TNN: variants seen among roughly 807,000 people sequenced by gnomAD.
The protein encoded by TNN is tenascin-N.
A neutral mutation model predicts 134.4 loss-of-function variants in TNN; 122 were observed. That is an observed-to-expected ratio of 0.91 (90% CI 0.78 to 1.06). The LOEUF is 1.06. TNN is among the 50% of genes least tolerant of loss of function. The pLI, the probability that TNN is intolerant of heterozygous loss-of-function variation, is 0.00. For missense variants in TNN, 1,739 were observed against 1,699.4 expected (o/e 1.02, Z -0.41); for synonymous variants, 710 against 670.3 (o/e 1.06, Z -0.91).
chr1:175,080,136 T>A (rs1380152628), intron 3 of TNN, 27 bp from the exon 4 acceptor site: 1 of 1,611,336 alleles, frequency 6.2e-7, no homozygotes, highest in Admixed American at 1.7e-5. Flanking sequence ...GCTCACCCTC[T>A]CTGCCCTGTT....
At chr1:175,123,135 A>G (rs559144393) in intron 11 of TNN, among the ~76,000 whole-genome samples, 1 of 152,310 alleles carries the variant, frequency 6.6e-6, no homozygotes, top group Non-Finnish European at 1.5e-5. Context: ...CTTGTTGCTC[A>G]GGAAGTTTTA....
chr1:175,101,127 G>A (rs1674711020), intron 9 of TNN, among the ~76,000 whole-genome samples: 1 of 152,230 alleles, frequency 6.6e-6, no homozygotes, highest in Non-Finnish European at 1.5e-5. Flanking sequence ...GAATGAAGCT[G>A]CGGACCCTCG....
At chr1:175,138,028 A>G (rs1243096933) in intron 17 of TNN, among the ~76,000 whole-genome samples, 1 of 152,190 alleles carries the variant, frequency 6.6e-6, no homozygotes, top group African/African-American at 2.4e-5. Flanking sequence ...GTGGGAGGAA[A>G]TAGAGGGCTC....
chr1:175,132,516 CAAT>C (rs1407158930), intron 15 of TNN, among the ~76,000 whole-genome samples: 1 of 152,200 alleles, frequency 6.6e-6, no homozygotes, highest in Non-Finnish European at 1.5e-5. Context: ...AAGAGAACAA[CAAT>C]GTTAATGTGG....
chr1:175,118,091 C>T (rs1005157272), intron 10 of TNN, among the ~76,000 whole-genome samples: 33 of 152,202 alleles, frequency 2.2e-4, no homozygotes, highest in Admixed American at 5.9e-4. Context: ...GAATAGGATG[C>T]TGCCCTCTTC....
intron 4 of TNN, among the ~76,000 whole-genome samples, chr1:175,082,177 C>T (rs570144079): frequency 4.7e-4 from 72 of 152,284 alleles, no homozygotes; most frequent in African/African-American, 1.6e-3. Context: ...TCTGTGGCTG[C>T]CTCTGGTACA....
chr1:175,087,883 C>G (rs1007340021), intron 6 of TNN, among the ~76,000 whole-genome samples: 3 of 152,202 alleles, frequency 2.0e-5, no homozygotes, highest in African/African-American at 7.2e-5. Context: ...TTTGCTAGAG[C>G]AGCTCACAGA....
chr1:175,085,986 T>A (rs1451103152), intron 6 of TNN, among the ~76,000 whole-genome samples: 1 of 152,186 alleles, frequency 6.6e-6, no homozygotes, highest in Non-Finnish European at 1.5e-5. Context: ...ACTTTTCCTA[T>A]TTCAAATTTT....
chr1:175,098,531 G>T lies in TNN; in HGVS notation c.2055G>T (p.Met685Ile). The T allele has an allele frequency of 6.2e-7, 1 of 1,614,132 alleles. No individual in the cohort carries two copies. Among genetic ancestry groups the T allele is most frequent in the Non-Finnish European group, 8.5e-7 (1 of 1,180,018 alleles). Reference sequence around the variant, plus strand: ...GCCTGAGACCGGGTATGGAGTACATGGTGCACGTGTGGGCCCAGAAGGGGG... The same window carrying T: ...GCCTGAGACCGGGTATGGAGTACATTGTGCACGTGTGGGCCCAGAAGGGGG... ...LTGLRPGMEY[M>I]VHVWAQKGDQ... The change falls in exon 9 of 19, where the codon ATG (methionine) becomes ATT (isoleucine). Residue 685 changes from methionine to isoleucine, a missense_variant. By Grantham distance (10) the Met-to-Ile change is conservative. Coordinates refer to ENST00000239462, the MANE Select transcript of TNN (RefSeq NM_022093.2).
chr1:175,070,080 CGTGTCTATTTTATCTTGTTATT>C, intron 1 of TNN, among the ~76,000 whole-genome samples: 1 of 152,166 alleles, frequency 6.6e-6, no homozygotes, highest in Middle Eastern at 3.4e-3. Context: ...ATTTAGGTCC[CGTGTCTATTTTATCTTGTTATT>C]GTGCATGAGC....
At chr1:175,128,484 G>A (rs1675587220) in intron 14 of TNN, 111 bp from the exon 15 acceptor site, 2 of 1,302,030 alleles carry the variant, frequency 1.5e-6, no homozygotes, top group African/African-American at 1.5e-5. Flanking sequence ...GCTGAAGTAG[G>A]AAGTTATGAA....
chr1:175,085,281 C>G, intron 5 of TNN, 124 bp from the exon 6 acceptor site: 1 of 658,456 alleles, frequency 1.5e-6, no homozygotes, highest in Non-Finnish European at 2.8e-6. Context: ...AATACAGATT[C>G]ATCTTTGGAG....
chr1:175,123,973 C>T (rs61829476), intron 12 of TNN, among the ~76,000 whole-genome samples: 1 of 152,228 alleles, frequency 6.6e-6, no homozygotes, highest in Non-Finnish European at 1.5e-5. Context: ...TGGGAGAAGA[C>T]AGAGGCAGGA....
chr1:175,086,768 G>A (rs1467494328), intron 6 of TNN, among the ~76,000 whole-genome samples: 1 of 152,170 alleles, frequency 6.6e-6, no homozygotes, highest in East Asian at 1.9e-4. Flanking sequence ...ACTAGACAAG[G>A]TAGACTGTAC....
At chr1:175,117,310 G>T in intron 10 of TNN, 105 bp downstream of exon 10, 1 of 1,563,634 alleles carries the variant, frequency 6.4e-7, no homozygotes, top group Non-Finnish European at 8.7e-7. Context: ...ATGATTAATG[G>T]AAGAGTGGGA....
At chr1:175,089,477 T>C (rs1674392182) in intron 6 of TNN, among the ~76,000 whole-genome samples, 1 of 152,162 alleles carries the variant, frequency 6.6e-6, no homozygotes, top group South Asian at 2.1e-4. Context: ...CTCTGGGGGA[T>C]TGGCGAGGGG....
rs201857745 is a variant in TNN at position 175,068,230 on chromosome 1, C to T, written c.-36+295C>T. Among the ~76,000 whole-genome samples the T allele has an allele frequency of 1.2e-4, 19 of 152,272 alleles. No individual in the cohort carries two copies. In the East Asian group the frequency reaches 3.5e-3, roughly 28 times the overall value. ...GTATCAGCTTCTACCTGGCGTAACA[C>T]ATTTTTGTATAAAATGTTTCCTTTA... is the stretch of plus-strand genomic sequence containing the variant. On this transcript the variant is annotated intron_variant, in intron 1 of 18. Transcript: ENST00000239462.
In TNN at chr1:175,080,327, G is replaced by A. The variant is rs765076881; in HGVS notation, c.949G>A (p.Glu317Lys). 9.9e-6 allele frequency: 16 copies of A among 1,614,006 alleles called. No homozygotes were observed. The highest frequency in any genetic ancestry group is 8.5e-6 in the Non-Finnish European group (10 of 1,180,012). The change falls in exon 4 of 19, where the codon GAG becomes AAG. Residue 317 changes from glutamate (E) to lysine (K), a missense_variant. Physicochemically the swap from Glu to Lys is moderately conservative, Grantham distance 56. Transcript: ENST00000239462. The part of the protein sequence containing the change: ...IQVPKEQHSY[E>K]ILGLLPGTKY... ...AGTGCCCAAGGAGCAGCACAGCTAT[G>A]AGATTCTTGGTTTGCTGCCTGGAAC...
chr1:175,125,963 TTCTC>T lies in TNN; in HGVS notation c.2915-975_2915-972del, dbSNP rs151299690. 3.3e-3 allele frequency among the ~76,000 whole-genome samples: 468 copies of T among 140,416 alleles called. 3 individuals are homozygous for T. The highest frequency in any genetic ancestry group is 0.011 in the African/African-American group (421 of 38,008). 92.1% of individuals were successfully genotyped at this position (140,416 alleles called of 152,430 possible). ...CGCTTCTCTCCCTTTCTTTCTTTCC[TTCTC>T]TCTCTCTCTCTCTCTCCTCTATACA... On this transcript the variant is annotated intron_variant, in intron 12 of 18. Coordinates refer to ENST00000239462, the MANE Select transcript of TNN (RefSeq NM_022093.2).
Sources: gnomAD v4.1 joint callset for allele counts (sites outside exome capture counted in the v4.1 genomes callset) on GRCh38, gnomAD v4.1.1 for gene constraint, MANE v1.5 for transcripts, NCBI Gene and HGNC (gene_info 2026-07-23, HGNC 2026-07-21) for gene names.